Variants in RAB10 observed in about 807,000 individuals in gnomAD.
The protein encoded by RAB10 is RAB10, member RAS oncogene family, also known as ras-related protein Rab-10.
Under a neutral mutation model 25.7 loss-of-function variants are expected in RAB10, and 5 were observed. The observed-to-expected ratio is 0.19, with a 90% CI of 0.10 to 0.41. RAB10 has a LOEUF of 0.41. RAB10 is among the 10% of genes least tolerant of loss of function. RAB10 has a pLI of 1.00. For synonymous variants in RAB10, 89 were observed against 86.4 expected (o/e 1.03, Z -0.16); for missense variants, 103 against 245.8 (o/e 0.42, Z 3.89).
At chr2:26,051,229 G>T (rs1451995640) in intron 1 of RAB10, among the ~76,000 whole-genome samples, 2 of 151,938 alleles carry the variant, frequency 1.3e-5, no homozygotes, top group Non-Finnish European at 2.9e-5. Context: ...GAGCCACCAT[G>T]CCTGGCATAA....
intron 1 of RAB10, among the ~76,000 whole-genome samples, chr2:26,045,817 C>T (rs1665989568): frequency 6.6e-6 from 1 of 152,148 alleles, no homozygotes; most frequent in Admixed American, 6.5e-5. Context: ...AAGCAGTCTT[C>T]CTGCCTCAGC....
chr2:26,079,324 A>AACACACAC (rs34334774), intron 1 of RAB10, among the ~76,000 whole-genome samples: 7 of 92,652 alleles, frequency 7.6e-5, no homozygotes, highest in African/African-American at 2.8e-4. Flanking sequence ...CACACACACA[A>AACACACAC]ACACACACAC....
chr2:26,037,441 C>T (rs552370952), intron 1 of RAB10, among the ~76,000 whole-genome samples: 1 of 152,110 alleles, frequency 6.6e-6, no homozygotes, highest in African/African-American at 2.4e-5. Context: ...AAGTTCGAGA[C>T]CAGCCTGATC....
At chr2:26,131,030 C>CTTT (rs36069349) in intron 5 of RAB10, among the ~76,000 whole-genome samples, 4 of 110,300 alleles carry the variant, frequency 3.6e-5, no homozygotes, top group African/African-American at 6.7e-5. Context: ...TCAGTCTTGG[C>CTTT]TTTTTTTTTT....
chr2:26,043,146 G>C (rs1052536003), intron 1 of RAB10, among the ~76,000 whole-genome samples: 3 of 150,750 alleles, frequency 2.0e-5, no homozygotes, highest in African/African-American at 4.9e-5. Flanking sequence ...TTCAAACAGG[G>C]CCAGGCAAGG....
intron 5 of RAB10, among the ~76,000 whole-genome samples, chr2:26,128,186 C>T (rs1238082557): frequency 6.6e-6 from 1 of 152,164 alleles, no homozygotes; most frequent in African/African-American, 2.4e-5. Flanking sequence ...GATCATCAGG[C>T]GTTAGATCCT....
At position 26,092,407 on chromosome 2, in the gene RAB10, A is replaced by G. The variant is rs567374266; in HGVS notation, c.128-6255A>G. 2.8e-4 allele frequency among the ~76,000 whole-genome samples: 43 copies of G among 152,072 alleles called. No homozygotes were observed. The South Asian group carries it at 9.0e-3, about 32-fold the overall frequency. ...GAGGAGAGAAAACTAGAGACAGCAC[A>G]TATAGGTAACTTCGAAGAAGTTTGG... On this transcript the variant is annotated intron_variant, in intron 1 of 5. Coordinates refer to ENST00000264710, the MANE Select transcript of RAB10 (RefSeq NM_016131.5).
rs1286258059 is a variant in RAB10 at position 26,135,662 on chromosome 2, A to T, written c.*641A>T. 1 of 152,620 alleles carries T rather than the reference A, an allele frequency of 6.6e-6. No homozygotes were observed. Among genetic ancestry groups the T allele is most frequent in the Admixed American group, 6.5e-5 (1 of 15,288 alleles). The allele number at this position is 152,620 out of a possible 1,614,324, so 9.5% of individuals were successfully genotyped here. On this transcript the variant is annotated 3_prime_UTR_variant, in exon 6 of 6. Transcript: ENST00000264710. The stretch of plus-strand genomic sequence containing the variant: ...CTTGGCTGTAATTTTCAAAGTAGTT[A>T]ATTGAGGACAAAGGGTAATGCAGAA...
At chr2:26,127,108 G>A (rs375915836) in intron 3 of RAB10, 36 bp from the exon 4 acceptor site, 9 of 1,428,186 alleles carry the variant, frequency 6.3e-6, no homozygotes, top group Non-Finnish European at 8.7e-6. Flanking sequence ...CGTAATTCAT[G>A]GTAGTATGTA....
chr2:26,104,667 C>T (rs1339976930), intron 2 of RAB10, among the ~76,000 whole-genome samples: 2 of 151,672 alleles, frequency 1.3e-5, no homozygotes, highest in African/African-American at 4.8e-5. Flanking sequence ...TTGAAGATGA[C>T]CCCTATGTTT....
intron 1 of RAB10, among the ~76,000 whole-genome samples, chr2:26,039,198 T>G (rs2149260455): frequency 6.6e-6 from 1 of 152,060 alleles, no homozygotes; most frequent in Middle Eastern, 3.4e-3. Context: ...TTTTGAATTT[T>G]TTAGTAGAGA....
intron 1 of RAB10, among the ~76,000 whole-genome samples, chr2:26,037,326 C>T (rs1665783614): frequency 6.6e-6 from 1 of 152,122 alleles, no homozygotes; most frequent in Admixed American, 6.6e-5. Context: ...TACTTAACCT[C>T]TGTCGGCTTC....
At chr2:26,058,533 G>A (rs952108725) in intron 1 of RAB10, among the ~76,000 whole-genome samples, 1 of 152,042 alleles carries the variant, frequency 6.6e-6, no homozygotes, top group African/African-American at 2.4e-5. Flanking sequence ...AAGTAGCTAG[G>A]ATTACAGATG....
chr2:26,083,943 C>T (rs897563615), intron 1 of RAB10, among the ~76,000 whole-genome samples: 1 of 152,122 alleles, frequency 6.6e-6, no homozygotes, highest in East Asian at 1.9e-4. Context: ...ATATGCAAGG[C>T]TTAGACATGG....
Position 26,034,396 on chromosome 2 carries a change from G to T in RAB10, c.-213G>T, listed in dbSNP as rs1326721883. On this transcript the variant is annotated 5_prime_UTR_variant, in exon 1 of 6. Transcript: ENST00000264710. ...CCGGGCGGACGGGCTGGGAGAGGCT[G>T]CGGAGCCGCGGTCGCCGCCCTCGGA... 1 of 623,548 alleles carries T rather than the reference G, an allele frequency of 1.6e-6. No individual in the cohort carries two copies. The highest frequency in any genetic ancestry group is 2.8e-6 in the Non-Finnish European group (1 of 360,594). 38.6% of individuals were successfully genotyped at this position (623,548 alleles called of 1,614,324 possible).
chr2:26,124,389 CTTTT>C (rs10669615), intron 3 of RAB10, among the ~76,000 whole-genome samples: 51 of 19,662 alleles, frequency 2.6e-3, no homozygotes, highest in African/African-American at 8.6e-3. Context: ...GTTGTTGTTG[CTTTT>C]TTTTTTTTTT....
intron 1 of RAB10, among the ~76,000 whole-genome samples, chr2:26,086,355 C>G (rs1016861841): frequency 6.6e-6 from 1 of 152,160 alleles, no homozygotes; most frequent in Admixed American, 6.5e-5. Flanking sequence ...ATGGAAAGTT[C>G]TCAACATCAT....
At chr2:26,131,992 C>T (rs779574197) in intron 5 of RAB10, among the ~76,000 whole-genome samples, 16 of 152,172 alleles carry the variant, frequency 1.1e-4, no homozygotes, top group African/African-American at 2.7e-4. Context: ...ATTTTCCACA[C>T]GCACATACAT....
intron 1 of RAB10, among the ~76,000 whole-genome samples, chr2:26,076,285 G>C (rs938478784): frequency 6.6e-6 from 1 of 152,152 alleles, no homozygotes; most frequent in Non-Finnish European, 1.5e-5. Flanking sequence ...CAGAGACCAT[G>C]TTTTTCTGAA....
Sources: gnomAD v4.1 joint callset for allele counts (sites outside exome capture counted in the v4.1 genomes callset) on GRCh38, gnomAD v4.1.1 for gene constraint, MANE v1.5 for transcripts, NCBI Gene and HGNC (gene_info 2026-07-23, HGNC 2026-07-21) for gene names.